The following DYNLT2 variants were observed in gnomAD, a reference collection of about 807,000 sequenced individuals.
DYNLT2 encodes the protein dynein light chain Tctex-type protein 2.
A neutral mutation model predicts 24.3 loss-of-function variants in DYNLT2; 24 were observed. The ratio of observed to expected loss-of-function variants is 0.99; its 90% CI spans 0.71 to 1.39. The LOEUF is 1.39. Among genes scored for constraint, DYNLT2 ranks in the 40% most tolerant of loss-of-function variants. The pLI, the probability that DYNLT2 is intolerant of heterozygous loss-of-function variation, is 0.00. For missense variants in DYNLT2, 246 were observed against 234.5 expected, an observed-to-expected ratio of 1.05 and a Z score of -0.32; for synonymous variants, 85 against 85.4, an observed-to-expected ratio of 1.00 and a Z score of 0.03.
chr6:169,737,483 G>A (rs1010602179), downstream of DYNLT2, among the ~76,000 whole-genome samples: 4 of 152,154 alleles, frequency 2.6e-5, no homozygotes, highest in African/African-American at 4.8e-5. Context: ...TGAGGCTGCT[G>A]ACCCTTAGAT....
chr6:169,737,602 A>G (rs1279368779), downstream of DYNLT2, among the ~76,000 whole-genome samples: 2 of 151,880 alleles, frequency 1.3e-5, no homozygotes, highest in Non-Finnish European at 2.9e-5. Context: ...TGCTGGGGTG[A>G]ATGGCCCTAC....
the DYNLT2 span, among the ~76,000 whole-genome samples, chr6:169,733,815 C>A: frequency 6.6e-6 from 1 of 152,144 alleles, no homozygotes; most frequent in Admixed American, 6.5e-5. Context: ...TTTTCTAATT[C>A]TGTGAAAAAT....
chr6:169,750,036 T>C (rs769123761), intron 1 of DYNLT2: 3 of 152,216 alleles, frequency 2.0e-5, no homozygotes, highest in African/African-American at 7.2e-5. Flanking sequence ...ACTTTAAAGA[T>C]AGCTATAATT....
the DYNLT2 span, among the ~76,000 whole-genome samples, chr6:169,728,136 G>T: frequency 1.3e-5 from 2 of 152,198 alleles, no homozygotes; most frequent in African/African-American, 2.4e-5. Context: ...GGATAATGGG[G>T]TTCATTCAGG....
At chr6:169,726,896 A>G in the DYNLT2 span, among the ~76,000 whole-genome samples, 7 of 152,208 alleles carry the variant, frequency 4.6e-5, no homozygotes, top group Admixed American at 4.6e-4. Flanking sequence ...AAAGCATGAA[A>G]CCGTATGAGA....
downstream of DYNLT2, among the ~76,000 whole-genome samples, chr6:169,737,101 G>A (rs147555764): frequency 7.2e-5 from 11 of 152,136 alleles, 1 homozygote; most frequent in Admixed American, 2.6e-4. Context: ...CCACTTGGTC[G>A]ATTCTGCTGT....
At chr6:169,747,552 G>T (rs922273903) in intron 1 of DYNLT2, among the ~76,000 whole-genome samples, 12 of 152,054 alleles carry the variant, frequency 7.9e-5, no homozygotes, top group Non-Finnish European at 1.8e-4. Context: ...TGTTGAATCT[G>T]CTGTTAATAC....
intron 1 of DYNLT2, 173 bp downstream of exon 1, chr6:169,751,166 G>T: frequency 1.0e-6 from 1 of 1,002,098 alleles, no homozygotes; most frequent in Non-Finnish European, 1.5e-6. Context: ...AAAGGGGACT[G>T]CCCAACTCAG....
Position 169,751,536 on chromosome 6 carries a change from C to T in DYNLT2, c.-78G>A. Reference sequence around the variant, plus strand: ...AACGCCCTAGCCAGTCCCGCGAGGGCGGAAGTCTCCCACCTGCGCCTCGTA... The same window carrying T: ...AACGCCCTAGCCAGTCCCGCGAGGGTGGAAGTCTCCCACCTGCGCCTCGTA... On this transcript the variant is annotated 5_prime_UTR_variant, in exon 1 of 4. Transcript: ENST00000366774. 6.2e-7 allele frequency: 1 copy of T among 1,610,258 alleles called. No individual in the cohort carries two copies. The highest frequency in any genetic ancestry group is 8.5e-7 in the Non-Finnish European group (1 of 1,178,618).
the DYNLT2 span, among the ~76,000 whole-genome samples, chr6:169,727,270 T>C: frequency 2.6e-5 from 4 of 152,262 alleles, no homozygotes; most frequent in Non-Finnish European, 4.4e-5. Flanking sequence ...AGTTTTATTA[T>C]AAAAAGTAAT....
chr6:169,730,428 C>T, the DYNLT2 span, among the ~76,000 whole-genome samples: 1 of 152,078 alleles, frequency 6.6e-6, no homozygotes, highest in Admixed American at 6.5e-5. Context: ...GGGTTACCTA[C>T]GCTAACTCCT....
At chr6:169,745,891 T>C (rs1226206180) in intron 1 of DYNLT2, among the ~76,000 whole-genome samples, 1 of 152,228 alleles carries the variant, frequency 6.6e-6, no homozygotes, top group Non-Finnish European at 1.5e-5. Context: ...ACCAAGGAAA[T>C]CACCTGAACC....
In DYNLT2 at chr6:169,749,732, C is replaced by T. The variant is rs1486158091; in HGVS notation, c.120+1607G>A. On this transcript the variant is annotated intron_variant, in intron 1 of 3. Coordinates refer to ENST00000366774, the MANE Select transcript of DYNLT2 (RefSeq NM_174910.3). ...TTAAGGGAAGTAGCTGACAATCTCA[C>T]CAAAGCTCTATACAATTGCAGATGA... The T allele has an allele frequency of 2.0e-5, 3 of 152,146 alleles. No homozygotes were observed. The East Asian group carries it at 5.8e-4, about 29-fold the overall frequency. 9.4% of individuals were successfully genotyped at this position (152,146 alleles called of 1,614,324 possible). A position where few individuals can be genotyped will look rare whatever the true frequency, so the allele number is the denominator to read the frequency against.
rs764064119 is a variant in DYNLT2, at chr6:169,751,497, A to G, written c.-39T>C. The G allele has an allele frequency of 5.0e-6, 8 of 1,610,326 alleles. No individual in the cohort carries two copies. The highest frequency in any genetic ancestry group is 1.3e-5 in the African/African-American group (1 of 74,846). Reference sequence around the variant, plus strand: ...CCAAGACGCCCACCGCCTCCCCTTCACCGCCGGCGGTCAAACGCCCTAGCC... The same window carrying G: ...CCAAGACGCCCACCGCCTCCCCTTCGCCGCCGGCGGTCAAACGCCCTAGCC... On this transcript the variant is annotated 5_prime_UTR_variant, in exon 1 of 4. Coordinates refer to ENST00000366774, the MANE Select transcript of DYNLT2 (RefSeq NM_174910.3).
intron 3 of DYNLT2, 22 bp from the exon 4 acceptor site, chr6:169,740,317 G>A (rs781173292): frequency 8.1e-6 from 12 of 1,475,950 alleles, no homozygotes; most frequent in Non-Finnish European, 4.7e-6. Context: ...ATTTTGTAAA[G>A]ACCAACTTTA....
Position 169,751,372 on chromosome 6 carries a change from T to G in DYNLT2, c.87A>C (p.Lys29Asn), listed in dbSNP as rs202229935. 1.3e-4 allele frequency: 210 copies of G among 1,614,164 alleles called. No individual in the cohort carries two copies. Among genetic ancestry groups the G allele is most frequent in the Admixed American group, 9.0e-4 (54 of 60,030 alleles). Residue 29 changes from lysine to asparagine, a missense_variant, in exon 1 of 4, where the codon AAA (lysine) becomes AAC (asparagine). By Grantham distance (94) the Lys-to-Asn change is moderately conservative. Transcript: ENST00000366774. ...TCTCGAACATGCTAGGCCTCCTTTC[T>G]TTCCTAGGCGTCACCGGAGCCTGCT... is the stretch of plus-strand genomic sequence containing the variant. ...TPQQAPVTPR[K>N]ERRPSMFEKE...
chr6:169,725,150 T>C, the DYNLT2 span: 1 of 398,648 alleles, frequency 2.5e-6, no homozygotes, highest in Non-Finnish European at 4.4e-6. Context: ...AGGACCGCAC[T>C]AAAAACAGCG....
chr6:169,741,478 G>A (rs368654159), intron 3 of DYNLT2, among the ~76,000 whole-genome samples: 3 of 152,298 alleles, frequency 2.0e-5, no homozygotes, highest in South Asian at 2.1e-4. Context: ...GAAAAGCCAA[G>A]TAGCTGACCC....
the DYNLT2 span, among the ~76,000 whole-genome samples, chr6:169,732,449 C>T: frequency 2.0e-5 from 3 of 152,102 alleles, no homozygotes; most frequent in South Asian, 6.2e-4. Context: ...CCACTCTCAC[C>T]CCCAACAGGC....
Sources: gnomAD v4.1 joint callset for allele counts (sites outside exome capture counted in the v4.1 genomes callset) on GRCh38, gnomAD v4.1.1 for gene constraint, MANE v1.5 for transcripts, NCBI Gene and HGNC (gene_info 2026-07-23, HGNC 2026-07-21) for gene names.